The following ARL15 variants were observed in gnomAD, a reference collection of about 807,000 sequenced individuals.
ARL15 encodes ARF like GTPase 15.
A neutral mutation model predicts 25.2 loss-of-function variants in ARL15; 19 were observed. The observed-to-expected ratio is 0.75, with a 90% CI of 0.53 to 1.10. The LOEUF is 1.10. ARL15 is among the 50% of genes least tolerant of loss of function. The pLI, the probability that ARL15 is intolerant of heterozygous loss-of-function variation, is 0.00. For missense variants in ARL15, 220 were observed against 246.0 expected, an observed-to-expected ratio of 0.89 and a Z score of 0.71; for synonymous variants, 94 against 86.8, an observed-to-expected ratio of 1.08 and a Z score of -0.46.
rs370720394 is a variant in ARL15 at position 53,932,350 on chromosome 5, G to A, written c.463-45637C>T. Among the ~76,000 whole-genome samples the A allele has an allele frequency of 2.4e-3, 373 of 152,278 alleles. 2 individuals are homozygous for A. Among genetic ancestry groups the A allele is most frequent in the African/African-American group, 8.3e-3 (343 of 41,560 alleles). On this transcript the variant is annotated intron_variant, in intron 4 of 4. Transcript: ENST00000504924. ...TCCCCCAAGGGAGTGTAAACCAAACGGAACCGAGCAACGCCCACCAGCCCC... is the reference window on the plus strand; with the variant it reads ...TCCCCCAAGGGAGTGTAAACCAAACAGAACCGAGCAACGCCCACCAGCCCC...
chr5:54,098,480 T>A (rs1164069200), intron 4 of ARL15, among the ~76,000 whole-genome samples: 1 of 152,048 alleles, frequency 6.6e-6, no homozygotes, highest in Non-Finnish European at 1.5e-5. Context: ...AGATCACAGG[T>A]TAGTCAAGTG....
chr5:54,237,316 G>C (rs1193365777), intron 1 of ARL15, among the ~76,000 whole-genome samples: 1 of 152,182 alleles, frequency 6.6e-6, no homozygotes, highest in Non-Finnish European at 1.5e-5. Flanking sequence ...ATGTGGAACT[G>C]TGAGTCCACT....
At chr5:54,176,063 C>T in intron 1 of ARL15, among the ~76,000 whole-genome samples, 1 of 152,160 alleles carries the variant, frequency 6.6e-6, no homozygotes, top group Non-Finnish European at 1.5e-5. Context: ...CTCCGTCTCC[C>T]CAAGCTCTTT....
intron 4 of ARL15, among the ~76,000 whole-genome samples, chr5:54,022,569 G>A (rs1344342211): frequency 2.0e-5 from 3 of 152,060 alleles, no homozygotes; most frequent in East Asian, 1.9e-4. Context: ...GACTTTATCC[G>A]TATAACAAGA....
At chr5:54,160,083 T>C (rs1166357515) in intron 2 of ARL15, among the ~76,000 whole-genome samples, 1 of 152,212 alleles carries the variant, frequency 6.6e-6, no homozygotes, top group Admixed American at 6.5e-5. Flanking sequence ...GGAAAGACAT[T>C]CTACAGATCT....
At chr5:54,281,508 A>G (rs575024286) in intron 1 of ARL15, among the ~76,000 whole-genome samples, 1 of 152,324 alleles carries the variant, frequency 6.6e-6, no homozygotes, top group Non-Finnish European at 1.5e-5. Context: ...CATTTTGGGC[A>G]GATAATTCTT....
At chr5:54,101,867 T>C (rs1004748137) in intron 4 of ARL15, among the ~76,000 whole-genome samples, 1 of 152,190 alleles carries the variant, frequency 6.6e-6, no homozygotes, top group Admixed American at 6.5e-5. Context: ...AAAGTTAATA[T>C]GCAAAATTGG....
intron 4 of ARL15, among the ~76,000 whole-genome samples, chr5:54,074,092 C>T (rs1230966663): frequency 6.6e-6 from 1 of 152,160 alleles, no homozygotes; most frequent in Non-Finnish European, 1.5e-5. Context: ...TTCTAGCTCA[C>T]CCATTTGGTA....
chr5:53,904,246 G>C (rs965961918), intron 4 of ARL15, among the ~76,000 whole-genome samples: 1 of 152,194 alleles, frequency 6.6e-6, no homozygotes, highest in African/African-American at 2.4e-5. Context: ...TTCATGACCA[G>C]TGGACACATC....
chr5:54,205,160 T>C (rs1348509065), intron 1 of ARL15, among the ~76,000 whole-genome samples: 2 of 152,086 alleles, frequency 1.3e-5, no homozygotes, highest in African/African-American at 2.4e-5. Flanking sequence ...ACAACTGCAA[T>C]GGCATGAAGA....
chr5:54,102,670 G>A (rs1015260564), intron 4 of ARL15, among the ~76,000 whole-genome samples: 1 of 151,988 alleles, frequency 6.6e-6, no homozygotes, highest in Non-Finnish European at 1.5e-5. Context: ...TGTTCTCTAA[G>A]GATTCCCCTG....
intron 1 of ARL15, among the ~76,000 whole-genome samples, chr5:54,186,784 T>A (rs988706541): frequency 6.6e-6 from 1 of 152,018 alleles, no homozygotes; most frequent in African/African-American, 2.4e-5. Flanking sequence ...AAGTACCATA[T>A]ACAGATTCAT....
intron 4 of ARL15, among the ~76,000 whole-genome samples, chr5:53,891,495 C>T (rs549850495): frequency 6.6e-6 from 1 of 152,314 alleles, no homozygotes; most frequent in South Asian, 2.1e-4. Flanking sequence ...TGCACCCTCC[C>T]ATGCCCAACA....
At chr5:54,221,403 T>C (rs148628569) in intron 1 of ARL15, among the ~76,000 whole-genome samples, 1 of 152,318 alleles carries the variant, frequency 6.6e-6, no homozygotes, top group Non-Finnish European at 1.5e-5. Flanking sequence ...ATTTGCTGAT[T>C]TGTCATTTTA....
chr5:54,248,537 C>T (rs1450985068), intron 1 of ARL15, among the ~76,000 whole-genome samples: 2 of 152,208 alleles, frequency 1.3e-5, no homozygotes. Flanking sequence ...ATTTCTCTGA[C>T]TCCCATCCCA....
chr5:54,286,580 A>T (rs543087694), intron 1 of ARL15, among the ~76,000 whole-genome samples: 13 of 152,360 alleles, frequency 8.5e-5, no homozygotes, highest in African/African-American at 3.1e-4. Flanking sequence ...ATCATATCAG[A>T]AGTTACAGAT....
intron 1 of ARL15, among the ~76,000 whole-genome samples, chr5:54,260,328 T>C (rs1183621184): frequency 6.6e-6 from 1 of 152,176 alleles, no homozygotes; most frequent in African/African-American, 2.4e-5. Flanking sequence ...CTTCAACCAT[T>C]ATCATAACAA....
At chr5:54,187,548 A>T (rs1342852251) in intron 1 of ARL15, among the ~76,000 whole-genome samples, 1 of 152,218 alleles carries the variant, frequency 6.6e-6, no homozygotes, top group Non-Finnish European at 1.5e-5. Flanking sequence ...GGAATGGCTA[A>T]GAGTCAGTCT....
intron 4 of ARL15, among the ~76,000 whole-genome samples, chr5:54,089,189 T>G (rs754063983): frequency 7.2e-5 from 11 of 152,188 alleles, no homozygotes; most frequent in Non-Finnish European, 1.5e-4. Flanking sequence ...TTTTGCCAAC[T>G]GAACTCAAAG....
Sources: allele counts gnomAD v4.1 joint callset (sites outside exome capture counted in the v4.1 genomes callset), GRCh38; gene constraint gnomAD v4.1.1; transcripts MANE v1.5; gene names NCBI Gene and HGNC (gene_info 2026-07-23, HGNC 2026-07-21).